The following AGAP1 variants were observed in gnomAD, a reference collection of about 807,000 sequenced individuals.
The protein encoded by AGAP1 is ArfGAP with GTPase domain, ankyrin repeat and PH domain 1.
A neutral mutation model predicts 105.3 loss-of-function variants in AGAP1; 29 were observed. The ratio of observed to expected loss-of-function variants is 0.28; its 90% CI spans 0.21 to 0.38. The LOEUF (loss-of-function observed/expected upper bound fraction) is 0.38, where lower values mean the gene tolerates loss of function less well. Ranked by LOEUF, AGAP1 falls within the 10% of genes least tolerant of loss-of-function variation. AGAP1 has a pLI of 1.00. For missense variants in AGAP1, 998 were observed against 1,165.1 expected (o/e 0.86, Z 2.09); for synonymous variants, 509 against 485.9 (o/e 1.05, Z -0.63).
rs181049393 is a variant in AGAP1 at position 236,000,728 on chromosome 2, G to A, written c.1645+32105G>A. Among the ~76,000 whole-genome samples, 15 of 152,352 alleles carry A rather than the reference G, an allele frequency of 9.8e-5. No homozygotes were observed. The highest frequency in any genetic ancestry group is 3.6e-4 in the African/African-American group (15 of 41,590). ...ATGCCTGAGGCAATCAGCCCCGATG[G>A]TGTGGCGGGGCAGGTACTAGAGATT... On this transcript the variant is annotated intron_variant, in intron 13 of 17. Transcript: ENST00000304032. This position sits in a 1 kb window ranked among gnomAD's most constrained non-coding sequence, Gnocchi z 4.3.
In AGAP1 at chr2:235,877,868, T is replaced by C. The variant is rs538489923; in HGVS notation, c.1051-5477T>C. 8.5e-5 allele frequency among the ~76,000 whole-genome samples: 13 copies of C among 152,318 alleles called. No individual in the cohort carries two copies. The highest frequency in any genetic ancestry group is 8.5e-4 in the Admixed American group (13 of 15,298). On this transcript the variant is annotated intron_variant, in intron 9 of 17. Transcript: ENST00000304032. The surrounding 1 kb of genome is among the most constrained non-coding windows in gnomAD (Gnocchi z 4.3). ...GGCCACACTTTGAGCTGGAAAGTGC[T>C]TCCGTCTTTTGCCAACTTAAAATTT...
intron 1 of AGAP1, among the ~76,000 whole-genome samples, chr2:235,509,082 T>G (rs1941957954): frequency 6.6e-6 from 1 of 152,238 alleles, no homozygotes; most frequent in African/African-American, 2.4e-5. Context: ...GAACCAGATT[T>G]ACCTAGAGGG....
intron 15 of AGAP1, among the ~76,000 whole-genome samples, chr2:236,047,620 TGAGGAGTC>T (rs2057762105): frequency 8.8e-6 from 1 of 113,636 alleles, no homozygotes. Context: ...TTTTTTTTTT[TGAGGAGTC>T]TCGTTCTGTC....
At chr2:235,794,182 G>A (rs531140363) in intron 6 of AGAP1, among the ~76,000 whole-genome samples, 15 of 152,106 alleles carry the variant, frequency 9.9e-5, no homozygotes, top group East Asian at 7.7e-4. Flanking sequence ...ACACACACAC[G>A]CACACTTGCA....
intron 1 of AGAP1, among the ~76,000 whole-genome samples, chr2:235,567,018 C>T (rs1944368691): frequency 6.6e-6 from 1 of 152,206 alleles, no homozygotes; most frequent in Non-Finnish European, 1.5e-5. Flanking sequence ...TGCCCTCTTC[C>T]CGGCATGTGT....
intron 3 of AGAP1, among the ~76,000 whole-genome samples, chr2:235,718,125 A>C (rs543864482): frequency 6.6e-6 from 1 of 152,086 alleles, no homozygotes. Flanking sequence ...ATCATTTTGC[A>C]TGAGAGTAAG....
At chr2:235,640,136 C>T (rs748707359) in intron 1 of AGAP1, among the ~76,000 whole-genome samples, 2 of 152,224 alleles carry the variant, frequency 1.3e-5, no homozygotes, top group Admixed American at 1.3e-4. Flanking sequence ...GTGAGGTGGA[C>T]AGTTGCTCTT....
rs1315249094 is a variant in AGAP1 at position 235,787,093 on chromosome 2, G to A, written c.674-10666G>A. ...AGAGTCGAGCTGGCCTGGGGCCGTG[G>A]CCCCACAGGCTTGTGATCAGTGGGC... On this transcript the variant is annotated intron_variant, in intron 6 of 17. Coordinates refer to ENST00000304032, the MANE Select transcript of AGAP1 (RefSeq NM_001037131.3). The surrounding 1 kb of genome is among the most constrained non-coding windows in gnomAD (Gnocchi z 4.4). 6.6e-6 allele frequency among the ~76,000 whole-genome samples: 1 copy of A among 152,190 alleles called. No individual in the cohort carries two copies. The highest frequency in any genetic ancestry group is 2.4e-5 in the African/African-American group (1 of 41,448).
intron 1 of AGAP1, among the ~76,000 whole-genome samples, chr2:235,682,305 G>A (rs1949120225): frequency 6.6e-6 from 1 of 151,988 alleles, no homozygotes; most frequent in Non-Finnish European, 1.5e-5. Flanking sequence ...CCAAGAATGA[G>A]GCGTCTGGAA....
chr2:235,709,553 GGGT>G (rs1402508221), intron 2 of AGAP1, among the ~76,000 whole-genome samples: 32 of 150,216 alleles, frequency 2.1e-4, no homozygotes, highest in Non-Finnish European at 4.2e-4. Flanking sequence ...ACACCCCCAT[GGGT>G]TGATTTGTCC....
intron 6 of AGAP1, among the ~76,000 whole-genome samples, chr2:235,778,517 C>T (rs929501546): frequency 6.3e-5 from 9 of 142,932 alleles, no homozygotes; most frequent in African/African-American, 2.0e-4. Flanking sequence ...CCCTCACTCA[C>T]TCGCTCCTTA....
chr2:235,651,288 T>G (rs1481332961), intron 1 of AGAP1, among the ~76,000 whole-genome samples: 2 of 148,342 alleles, frequency 1.3e-5, no homozygotes, highest in African/African-American at 4.9e-5. Context: ...ACTCAATGGA[T>G]GATGATAAAC....
intron 1 of AGAP1, among the ~76,000 whole-genome samples, chr2:235,602,062 C>T (rs1056842135): frequency 2.0e-5 from 3 of 152,252 alleles, no homozygotes; most frequent in Non-Finnish European, 4.4e-5. Flanking sequence ...CTTACTATGA[C>T]CTCCAGGGCC....
intron 1 of AGAP1, among the ~76,000 whole-genome samples, chr2:235,571,085 G>A (rs1043627468): frequency 6.6e-6 from 1 of 152,142 alleles, no homozygotes; most frequent in Non-Finnish European, 1.5e-5. Flanking sequence ...TAAGAGAGGG[G>A]TTGCAGGGGG....
chr2:236,123,781 C>T lies in AGAP1; in HGVS notation c.2371-138C>T. 1 of 1,059,130 alleles carries T rather than the reference C, an allele frequency of 9.4e-7. No homozygotes were observed. The highest frequency in any genetic ancestry group is 1.5e-5 in the South Asian group (1 of 65,800). 65.6% of individuals were successfully genotyped at this position (1,059,130 alleles called of 1,614,324 possible). ...GGCTGTGCCACCAGCACTGGATGGT[C>T]CTGGCACCCCAGCCAGTTGTGTAGC... On this transcript the variant is annotated intron_variant, in intron 17 of 17. Coordinates refer to ENST00000304032, the MANE Select transcript of AGAP1 (RefSeq NM_001037131.3). The surrounding 1 kb of genome is among the most constrained non-coding windows in gnomAD (Gnocchi z 4.6).
chr2:235,521,572 A>G (rs1350606551), intron 1 of AGAP1, among the ~76,000 whole-genome samples: 2 of 152,108 alleles, frequency 1.3e-5, no homozygotes, highest in East Asian at 1.9e-4. Context: ...GTAGCTTCCC[A>G]TGCACTGTTT....
At chr2:235,670,798 G>C (rs1172779165) in intron 1 of AGAP1, 10 of 1,363,114 alleles carry the variant, frequency 7.3e-6, no homozygotes, top group Non-Finnish European at 9.8e-6. Flanking sequence ...AACGCAGTAA[G>C]AGCAAGAACC....
intron 1 of AGAP1, among the ~76,000 whole-genome samples, chr2:235,637,413 C>G (rs1429565843): frequency 6.6e-6 from 1 of 151,966 alleles, no homozygotes; most frequent in African/African-American, 2.4e-5. Flanking sequence ...ACTAGGACCA[C>G]AGGTGCATGC....
At chr2:235,997,010 C>G (rs1355674573) in intron 13 of AGAP1, among the ~76,000 whole-genome samples, 1 of 152,214 alleles carries the variant, frequency 6.6e-6, no homozygotes, top group Non-Finnish European at 1.5e-5. Context: ...TACCAGTGTT[C>G]TGGCTTTACC....
Sources: allele counts gnomAD v4.1 joint callset (sites outside exome capture counted in the v4.1 genomes callset), GRCh38; gene constraint gnomAD v4.1.1; non-coding constraint Gnocchi (gnomAD v3.1); transcripts MANE v1.5; gene names NCBI Gene and HGNC (gene_info 2026-07-23, HGNC 2026-07-21).